DNAJC1: variants seen among roughly 807,000 people sequenced by gnomAD.
The protein encoded by DNAJC1 is dnaJ homolog subfamily C member 1.
DNAJC1 carries 58 observed loss-of-function variants against 76.6 expected under a neutral mutation model. The ratio of observed to expected loss-of-function variants is 0.76; its 90% confidence interval spans 0.61 to 0.94. The LOEUF (loss-of-function observed/expected upper bound fraction) is 0.94, where lower values mean the gene tolerates loss of function less well. DNAJC1 is among the 40% of genes least tolerant of loss of function. The pLI is 0.00. For synonymous variants in DNAJC1, 258 were observed against 267.9 expected, an observed-to-expected ratio of 0.96 and a Z score of 0.36; for missense variants, 689 against 677.3, an observed-to-expected ratio of 1.02 and a Z score of -0.19.
At chr10:21,766,564 T>G (rs1404188224) in intron 9 of DNAJC1, among the ~76,000 whole-genome samples, 2 of 152,180 alleles carry the variant, frequency 1.3e-5, no homozygotes, top group Non-Finnish European at 2.9e-5. Context: ...CCTAGACTCC[T>G]TCTAGTTCAA....
At chr10:21,929,770 G>T (rs1837190781) in intron 1 of DNAJC1, among the ~76,000 whole-genome samples, 1 of 152,052 alleles carries the variant, frequency 6.6e-6, no homozygotes, top group South Asian at 2.1e-4. Context: ...CCTCAGTCTG[G>T]TTCATACAAA....
chr10:21,965,263 T>A (rs1837873501), intron 1 of DNAJC1, among the ~76,000 whole-genome samples: 1 of 152,208 alleles, frequency 6.6e-6, no homozygotes, highest in Non-Finnish European at 1.5e-5. Context: ...TGCTGTCTAG[T>A]CTATTTTGTA....
intron 6 of DNAJC1, among the ~76,000 whole-genome samples, chr10:21,916,696 A>C (rs976409893): frequency 6.6e-6 from 1 of 152,178 alleles, no homozygotes; most frequent in African/African-American, 2.4e-5. Context: ...TATCGTATTT[A>C]AGAAGATCTA....
intron 3 of DNAJC1, among the ~76,000 whole-genome samples, chr10:21,924,658 T>G (rs1837093765): frequency 6.6e-6 from 1 of 152,190 alleles, no homozygotes; most frequent in Admixed American, 6.5e-5. Context: ...AAGCTAGGTT[T>G]TCTTACAATA....
intron 8 of DNAJC1, among the ~76,000 whole-genome samples, chr10:21,815,725 G>T (rs1178843376): frequency 2.0e-5 from 3 of 151,720 alleles, no homozygotes; most frequent in African/African-American, 7.3e-5. Context: ...CTATCTCAAG[G>T]ATGAGGCAGA....
At chr10:21,758,690 C>T (rs1834205126) in intron 11 of DNAJC1, among the ~76,000 whole-genome samples, 1 of 152,246 alleles carries the variant, frequency 6.6e-6, no homozygotes, top group Admixed American at 6.5e-5. Context: ...CGAAGATGAT[C>T]ACGGTAATAC....
At chr10:21,863,665 T>C (rs1835952183) in intron 8 of DNAJC1, among the ~76,000 whole-genome samples, 1 of 152,142 alleles carries the variant, frequency 6.6e-6, no homozygotes. Flanking sequence ...TGAAGTTTAT[T>C]CCAGGAATTC....
intron 6 of DNAJC1, 90 bp downstream of exon 6, chr10:21,918,689 C>T (rs1836992022): frequency 2.2e-6 from 2 of 894,804 alleles, no homozygotes; most frequent in South Asian, 1.5e-5. Flanking sequence ...CACTGCATAT[C>T]AGCATTCAGA....
At chr10:21,896,593 T>C (rs533665278) in intron 7 of DNAJC1, among the ~76,000 whole-genome samples, 1 of 152,342 alleles carries the variant, frequency 6.6e-6, no homozygotes, top group South Asian at 2.1e-4. Flanking sequence ...ACCTTGAGTC[T>C]CACCCATATC....
At chr10:21,959,808 A>C (rs1837757066) in intron 1 of DNAJC1, among the ~76,000 whole-genome samples, 3 of 151,456 alleles carry the variant, frequency 2.0e-5, no homozygotes. Flanking sequence ...AACAAAAAAA[A>C]AAAAAAGAAG....
At chr10:21,807,909 A>G (rs1214027046) in intron 8 of DNAJC1, among the ~76,000 whole-genome samples, 1 of 152,244 alleles carries the variant, frequency 6.6e-6, no homozygotes, top group Non-Finnish European at 1.5e-5. Context: ...ATTTAAGGAA[A>G]AAAGAATTAT....
chr10:21,909,354 A>T (rs1324357772), intron 6 of DNAJC1, among the ~76,000 whole-genome samples: 1 of 152,236 alleles, frequency 6.6e-6, no homozygotes, highest in Non-Finnish European at 1.5e-5. Flanking sequence ...AGGGATATTT[A>T]TGCTTATTTA....
At chr10:21,930,738 A>G (rs909714255) in intron 1 of DNAJC1, among the ~76,000 whole-genome samples, 1 of 152,214 alleles carries the variant, frequency 6.6e-6, no homozygotes, top group Non-Finnish European at 1.5e-5. Context: ...TGTTCCCTAC[A>G]TAGACTACAG....
At chr10:21,931,355 T>A (rs1055831715) in intron 1 of DNAJC1, among the ~76,000 whole-genome samples, 1 of 152,352 alleles carries the variant, frequency 6.6e-6, no homozygotes, top group Non-Finnish European at 1.5e-5. Context: ...CTCTTGAGAA[T>A]CTATCCAGTT....
chr10:21,775,175 G>A (rs1284194918), intron 9 of DNAJC1, among the ~76,000 whole-genome samples: 1 of 151,742 alleles, frequency 6.6e-6, no homozygotes, highest in Non-Finnish European at 1.5e-5. Flanking sequence ...TCACTTAAAA[G>A]GCAACTTACA....
At chr10:21,951,037 T>TA (rs990700023) in intron 1 of DNAJC1, among the ~76,000 whole-genome samples, 9 of 150,080 alleles carry the variant, frequency 6.0e-5, no homozygotes, top group Admixed American at 2.0e-4. Flanking sequence ...CCAGATAGAT[T>TA]AAAAAAAAAA....
intron 8 of DNAJC1, among the ~76,000 whole-genome samples, chr10:21,868,825 G>A (rs556975293): frequency 1.3e-5 from 2 of 151,568 alleles, no homozygotes; most frequent in African/African-American, 4.9e-5. Flanking sequence ...AGGGAAGTTA[G>A]ATATGCCTCA....
At chr10:21,837,292 C>T (rs889460010) in intron 8 of DNAJC1, among the ~76,000 whole-genome samples, 7 of 152,224 alleles carry the variant, frequency 4.6e-5, no homozygotes, top group African/African-American at 1.7e-4. Flanking sequence ...CTGCCTTGGC[C>T]TCCCAAAGTG....
At chr10:21,777,409 T>C (rs1329896711) in intron 9 of DNAJC1, among the ~76,000 whole-genome samples, 1 of 152,208 alleles carries the variant, frequency 6.6e-6, no homozygotes, top group Admixed American at 6.5e-5. Flanking sequence ...AAGTGTTCCA[T>C]TAGAGCATAA....
Sources: allele counts gnomAD v4.1 joint callset (sites outside exome capture counted in the v4.1 genomes callset), GRCh38; gene constraint gnomAD v4.1.1; transcripts MANE v1.5; gene names NCBI Gene and HGNC (gene_info 2026-07-23, HGNC 2026-07-21).